Variants in NPC1 observed in about 807,000 individuals in gnomAD.
The protein encoded by NPC1 is Niemann-Pick C1 protein.
Under a neutral mutation model 140.4 loss-of-function variants are expected in NPC1, and 85 were observed. The observed-to-expected ratio is 0.61, with a 90% confidence interval of 0.51 to 0.72. The LOEUF is 0.72. NPC1 is among the 30% of genes least tolerant of loss of function. NPC1 has a pLI of 0.00. For synonymous variants in NPC1, 656 were observed against 624.8 expected (o/e 1.05, Z -0.74); for missense variants, 1,504 against 1,623.8 (o/e 0.93, Z 1.27).
In NPC1 at chr18:23,539,881, A is replaced by G; in HGVS notation, c.2725T>C (p.Cys909Arg). Residue 909 changes from cysteine (C) to arginine (R), a missense_variant, in exon 18 of 25, where the codon TGC becomes CGC. Cys to Arg is a radical substitution (Grantham distance 180). Transcript: ENST00000269228. ...YTSSKGQNMV[C>R]GGMGCNNDSL... is the part of the protein sequence containing the mutation. ...TCATTGTTGCAGCCCATGCCGCCGC[A>G]CACCATGTTCTGCCCCTTGGAAGAA... The G allele has an allele frequency of 6.2e-7, 1 of 1,614,200 alleles. No homozygotes were observed. Among genetic ancestry groups the G allele is most frequent in the Non-Finnish European group, 8.5e-7 (1 of 1,180,034 alleles).
chr18:23,535,955 C>T (rs997332341), intron 21 of NPC1, among the ~76,000 whole-genome samples: 1 of 152,098 alleles, frequency 6.6e-6, no homozygotes, highest in Non-Finnish European at 1.5e-5. Context: ...CCAATCTATG[C>T]TATTTTATAG....
downstream of NPC1, chr18:23,529,126 GCAC>G: frequency 6.3e-7 from 1 of 1,586,936 alleles, no homozygotes; most frequent in Non-Finnish European, 8.6e-7. Flanking sequence ...ACTGTAAACA[GCAC>G]CCTTCCTCTA....
chr18:23,572,020 A>T, intron 3 of NPC1, 54 bp downstream of exon 3: 1 of 1,049,674 alleles, frequency 9.5e-7, no homozygotes, highest in Non-Finnish European at 1.5e-6. Context: ...GCTGAGCATT[A>T]CCAGTTCACA....
intron 3 of NPC1, chr18:23,509,064 GTTAA>G (rs879838268): frequency 5.0e-5 from 18 of 361,114 alleles, no homozygotes; most frequent in Non-Finnish European, 8.5e-5. Flanking sequence ...AATTTGTTTT[GTTAA>G]TTAGTAAACA....
In NPC1 at chr18:23,563,987, G is replaced by GTT. The variant is rs71163619; in HGVS notation, c.464-2462_464-2461dup. ...ATTTATTTATCATTGAGTAGTAAGA[G>GTT]TTTTTTTTTTTTTTTTTTGGAGATG... On this transcript the variant is annotated intron_variant, in intron 4 of 24. Coordinates refer to ENST00000269228, the MANE Select transcript of NPC1 (RefSeq NM_000271.5). Among the ~76,000 whole-genome samples, 493 of 102,554 alleles carry GTT rather than the reference G, an allele frequency of 4.8e-3. 39 individuals carry two copies. Among genetic ancestry groups the GTT allele is most frequent in the South Asian group, 0.021 (64 of 3,038 alleles). 67.3% of individuals were successfully genotyped at this position (102,554 alleles called of 152,430 possible). A position where few individuals can be genotyped will look rare whatever the true frequency, so the allele number is the denominator to read the frequency against.
In NPC1 at chr18:23,548,337, CTCTT is replaced by C. The variant is rs530031380; in HGVS notation, c.1655-233_1655-230del. Among the ~76,000 whole-genome samples the C allele has an allele frequency of 4.3e-3, 584 of 135,426 alleles. 1 individual carries two copies. The highest frequency in any genetic ancestry group is 7.6e-3 in the Middle Eastern group (2 of 262). 88.8% of individuals were successfully genotyped at this position (135,426 alleles called of 152,430 possible). ...CATGGTTATCATTCAGGAAGAGTAA[CTCTT>C]TTTTTTTTTTTTTTTAAAGGATACA... On this transcript the variant is annotated intron_variant, in intron 10 of 24. Transcript: ENST00000269228.
chr18:23,572,052 C>G (rs1401865202), intron 3 of NPC1, 22 bp downstream of exon 3: 6 of 1,539,512 alleles, frequency 3.9e-6, no homozygotes, highest in South Asian at 1.1e-5. Context: ...CCCAGTTGTT[C>G]TGTTTCCCCA....
intron 1 of NPC1, among the ~76,000 whole-genome samples, chr18:23,578,522 C>A (rs944028195): frequency 6.6e-6 from 1 of 152,222 alleles, no homozygotes; most frequent in Non-Finnish European, 1.5e-5. Flanking sequence ...AAGTGGAGAG[C>A]CAGCCTCCTG....
In NPC1 at chr18:23,508,113, G is replaced by A. The variant is rs995876678; in HGVS notation, c.432-1471C>T. On this transcript the variant is annotated intron_variant, in intron 3 of 3. Coordinates refer to the NPC1 transcript ENST00000591107. ...GCTGGGTTATGTAGTGGAGAGCGGG[G>A]CATTGGGGTCGCAGGGAGCACAGAC... 4.9e-6 allele frequency: 7 copies of A among 1,415,226 alleles called. No individual in the cohort carries two copies. The Admixed American group carries it at 1.4e-4, about 27-fold the overall frequency. The allele number at this position is 1,415,226 out of a possible 1,614,324, so 87.7% of individuals were successfully genotyped here.
chr18:23,561,930 A>AGG (rs2059046400), intron 4 of NPC1, among the ~76,000 whole-genome samples: 6 of 152,238 alleles, frequency 3.9e-5, no homozygotes, highest in African/African-American at 1.4e-4. Flanking sequence ...AGGAAGCTAC[A>AGG]CAGCCAGAGA....
chr18:23,524,191 T>G, intron 1 of NPC1: 1 of 1,612,884 alleles, frequency 6.2e-7, no homozygotes, highest in Non-Finnish European at 8.5e-7. Context: ...TTTACTAAGG[T>G]GTGGCACCGT....
chr18:23,516,041 C>A (rs751862809), intron 3 of NPC1: 1 of 1,612,824 alleles, frequency 6.2e-7, no homozygotes, highest in African/African-American at 1.3e-5. Flanking sequence ...CCCCAGTTGT[C>A]CCCTGTTCCT....
chr18:23,545,215 C>A, intron 11 of NPC1, 66 bp from the exon 12 acceptor site: 1 of 1,217,572 alleles, frequency 8.2e-7, no homozygotes, highest in East Asian at 2.3e-5. Flanking sequence ...GAAACTTCTC[C>A]CTAACTTTCA....
downstream of NPC1, chr18:23,529,319 T>G (rs757156664): frequency 1.9e-6 from 3 of 1,595,526 alleles, no homozygotes; most frequent in Admixed American, 3.7e-5. Flanking sequence ...GCTTTCCGCC[T>G]CTTCTGGACT....
At chr18:23,520,388 G>T (rs749049418), downstream of NPC1, 50 of 1,244,122 alleles carry the variant, frequency 4.0e-5, no homozygotes, top group Non-Finnish European at 5.8e-5. Context: ...ATCTTTGGGA[G>T]TCACGTTAAA....
downstream of NPC1, chr18:23,530,482 T>C: frequency 6.2e-7 from 1 of 1,614,280 alleles, no homozygotes. Flanking sequence ...TTGGTGGCCA[T>C]GACAACATTT....
At chr18:23,520,273 T>TC, downstream of NPC1, 1 of 1,614,100 alleles carries the variant, frequency 6.2e-7, no homozygotes, top group Non-Finnish European at 8.5e-7. Flanking sequence ...ACCCCGTGCT[T>TC]CCCGCTCGAT....
intron 1 of NPC1, among the ~76,000 whole-genome samples, chr18:23,586,070 A>G (rs1202355490): frequency 6.6e-6 from 1 of 152,262 alleles, no homozygotes; most frequent in African/African-American, 2.4e-5. Context: ...AGCTCAGAAC[A>G]GGTCACCCAA....
intron 6 of NPC1, among the ~76,000 whole-genome samples, chr18:23,559,982 T>G (rs953134299): frequency 1.3e-5 from 2 of 151,774 alleles, no homozygotes; most frequent in African/African-American, 2.4e-5. Context: ...AATCAGTGGC[T>G]AATGCACAGT....
Sources: allele counts gnomAD v4.1 joint callset (sites outside exome capture counted in the v4.1 genomes callset), GRCh38; gene constraint gnomAD v4.1.1; transcripts MANE v1.5; gene names NCBI Gene and HGNC (gene_info 2026-07-23, HGNC 2026-07-21).